MKLN1: variants seen among roughly 807,000 people sequenced by gnomAD.
MKLN1 encodes the protein muskelin.
Under a neutral mutation model 99.0 loss-of-function variants are expected in MKLN1, and 18 were observed. The ratio of observed to expected loss-of-function variants is 0.18; its 90% CI spans 0.13 to 0.27. MKLN1 has a LOEUF of 0.27. MKLN1 is among the 10% of genes least tolerant of loss of function. The pLI, the probability that MKLN1 is intolerant of heterozygous loss-of-function variation, is 1.00. For missense variants in MKLN1, 621 were observed against 875.9 expected, an observed-to-expected ratio of 0.71 and a Z score of 3.67; for synonymous variants, 288 against 293.2, an observed-to-expected ratio of 0.98 and a Z score of 0.18.
intron 2 of MKLN1, among the ~76,000 whole-genome samples, chr7:131,153,445 A>T (rs1274251871): frequency 2.6e-5 from 4 of 152,220 alleles, no homozygotes; most frequent in African/African-American, 4.8e-5. Context: ...ACAAGATGGC[A>T]TAGGCTCATC....
intron 1 of MKLN1, among the ~76,000 whole-genome samples, chr7:131,369,413 A>T (rs1317653312): frequency 6.6e-6 from 1 of 152,136 alleles, no homozygotes; most frequent in East Asian, 1.9e-4. Context: ...GTAAAAAGGG[A>T]TATCTTACTA....
chr7:131,164,946 G>A lies in MKLN1; in HGVS notation c.-297+22005G>A, dbSNP rs79333857. On this transcript the variant is annotated intron_variant, in intron 2 of 7. Transcript: ENST00000416992. ...GGAGCAACAACGATGAACAAGACAC[G>A]GATCCTCAAGGAGCTTATCACCTGG... 8.0e-3 allele frequency among the ~76,000 whole-genome samples: 1,218 copies of A among 152,240 alleles called. 74 individuals are homozygous for A. The East Asian group carries it at 0.13, about 16-fold the overall frequency.
Position 131,208,496 on chromosome 7 carries a change from G to A in MKLN1, c.-179+5522G>A, listed in dbSNP as rs141445279. The stretch of plus-strand genomic sequence containing the variant: ...TGTGGTCACAGCTACTTGGGAGGCC[G>A]AGGCAGGAGGATTGCCTGAGCCTGG... On this transcript the variant is annotated intron_variant, in intron 3 of 7. Coordinates refer to the MKLN1 transcript ENST00000416992. Among the ~76,000 whole-genome samples, 540 of 152,240 alleles carry A rather than the reference G, an allele frequency of 3.5e-3. 1 individual carries two copies. The highest frequency in any genetic ancestry group is 0.012 in the African/African-American group (504 of 41,532).
chr7:131,338,639 T>A (rs188668521), intron 1 of MKLN1, among the ~76,000 whole-genome samples: 69 of 152,358 alleles, frequency 4.5e-4, no homozygotes, highest in Admixed American at 3.4e-3. Context: ...TTAGTTCTTT[T>A]GGAATAGAGT....
chr7:131,413,098 A>AG (rs1491448875), intron 7 of MKLN1, among the ~76,000 whole-genome samples: 5 of 151,742 alleles, frequency 3.3e-5, no homozygotes, highest in Non-Finnish European at 7.4e-5. Context: ...CAGACCTCTC[A>AG]GGGGTGAATA....
In MKLN1 at chr7:131,424,523, A is replaced by G. The variant is rs377572709; in HGVS notation, c.848-4510A>G. Among the ~76,000 whole-genome samples, 14 of 152,318 alleles carry G rather than the reference A, an allele frequency of 9.2e-5. No homozygotes were observed. In the East Asian group the frequency reaches 2.3e-3, roughly 25 times the overall value. ...GCACTAAAAATAAAAAGCCTATTCC[A>G]TTGTGCAAAAAGACACTGAGATGTC... On this transcript the variant is annotated intron_variant, in intron 8 of 17. Coordinates refer to ENST00000352689, the MANE Select transcript of MKLN1 (RefSeq NM_013255.5).
intron 2 of MKLN1, among the ~76,000 whole-genome samples, chr7:131,196,582 T>G (rs1796648646): frequency 6.6e-6 from 1 of 152,006 alleles, no homozygotes; most frequent in Admixed American, 6.6e-5. Context: ...AAAATGTAAA[T>G]AATGAAGCTG....
At chr7:131,341,142 C>A (rs1349954429) in intron 1 of MKLN1, among the ~76,000 whole-genome samples, 1 of 149,224 alleles carries the variant, frequency 6.7e-6, no homozygotes, top group Non-Finnish European at 1.5e-5. Context: ...TCCTCTAATT[C>A]TTTGAACATA....
intron 1 of MKLN1, among the ~76,000 whole-genome samples, chr7:131,133,353 C>CCT (rs1795589786): frequency 4.3e-5 from 4 of 93,636 alleles, no homozygotes; most frequent in Admixed American, 2.9e-4. Flanking sequence ...TTCTTTCTTT[C>CCT]TTTTTTTTTT....
At chr7:131,125,891 AG>A (rs2116211037) in intron 1 of MKLN1, among the ~76,000 whole-genome samples, 1 of 151,804 alleles carries the variant, frequency 6.6e-6, no homozygotes, top group Non-Finnish European at 1.5e-5. Flanking sequence ...CTGTAGTCCC[AG>A]CTACTCGGGA....
At position 131,136,602 on chromosome 7, in the gene MKLN1, C is replaced by T. The variant is rs780637978; in HGVS notation, c.-418-6218C>T. 4.6e-5 allele frequency among the ~76,000 whole-genome samples: 7 copies of T among 152,206 alleles called. No individual in the cohort carries two copies. In the South Asian group the frequency reaches 1.4e-3, roughly 32 times the overall value. On this transcript the variant is annotated intron_variant, in intron 1 of 7. Transcript: ENST00000416992. ...TCCATATAGAATGTGTTTTTACTTA[C>T]ATGACTGAGGACAATACATTTCCCT... is the stretch of plus-strand genomic sequence containing the variant.
intron 3 of MKLN1, chr7:131,310,868 A>G (rs566031504): frequency 6.6e-6 from 1 of 152,332 alleles, no homozygotes; most frequent in Non-Finnish European, 1.5e-5. Context: ...TTTTGGAGTA[A>G]TCAGGTAGAG....
chr7:131,210,799 T>C, intron 3 of MKLN1, among the ~76,000 whole-genome samples: 1 of 105,594 alleles, frequency 9.5e-6, no homozygotes, highest in Non-Finnish European at 2.0e-5. Flanking sequence ...TGAATGAAGT[T>C]GAAGTGGCCA....
chr7:131,396,310 T>G (rs1794359133), intron 4 of MKLN1, among the ~76,000 whole-genome samples: 1 of 152,192 alleles, frequency 6.6e-6, no homozygotes, highest in Non-Finnish European at 1.5e-5. Context: ...TGGCCTCAAG[T>G]GATCCTCTTG....
In MKLN1 at chr7:131,169,293, T is replaced by C. The variant is rs1796182383; in HGVS notation, c.-297+26352T>C. 2.0e-5 allele frequency among the ~76,000 whole-genome samples: 3 copies of C among 152,364 alleles called. No individual in the cohort carries two copies. The South Asian group carries it at 6.2e-4, about 32-fold the overall frequency. On this transcript the variant is annotated intron_variant, in intron 2 of 7. Transcript: ENST00000416992. ...ACTTATTATATAGGCATTGCCTAAG[T>C]GAACAATTGAATAACAGAATAATTC...
At position 131,488,499 on chromosome 7, in the gene MKLN1, C is replaced by T. The variant is rs1797345106; in HGVS notation, c.*771C>T. On this transcript the variant is annotated 3_prime_UTR_variant, in exon 18 of 18. Transcript: ENST00000352689. ...TCACAGAAACCTTAAACTGAGGAGA[C>T]AATAGTTCAGAACCTTTTTAAGAGC... 1 of 152,272 alleles carries T rather than the reference C, an allele frequency of 6.6e-6. No individual in the cohort carries two copies. Among genetic ancestry groups the T allele is most frequent in the South Asian group, 2.1e-4 (1 of 4,806 alleles). The allele number at this position is 152,272 out of a possible 1,614,324, so 9.4% of individuals were successfully genotyped here.
chr7:131,161,893 T>C (rs913958961), intron 2 of MKLN1, among the ~76,000 whole-genome samples: 2 of 150,412 alleles, frequency 1.3e-5, no homozygotes, highest in Non-Finnish European at 3.0e-5. Context: ...TCTGAACACA[T>C]TGTTTTTTTC....
At chr7:131,189,278 CAG>C (rs151028325) in intron 2 of MKLN1, among the ~76,000 whole-genome samples, 21 of 152,214 alleles carry the variant, frequency 1.4e-4, no homozygotes, top group East Asian at 1.4e-3. Flanking sequence ...AAATGACAGA[CAG>C]GGGAGAATTT....
intron 1 of MKLN1, among the ~76,000 whole-genome samples, chr7:131,117,271 A>C (rs894886058): frequency 2.6e-5 from 4 of 152,072 alleles, no homozygotes; most frequent in Admixed American, 6.6e-5. Context: ...CTCTACTAAA[A>C]TACAAAAAAT....
Sources: allele counts gnomAD v4.1 joint callset (sites outside exome capture counted in the v4.1 genomes callset), GRCh38; gene constraint gnomAD v4.1.1; transcripts MANE v1.5; gene names NCBI Gene and HGNC (gene_info 2026-07-23, HGNC 2026-07-21).